The following MACF1 variants were observed in gnomAD, a reference collection of about 807,000 sequenced individuals.
The protein encoded by MACF1 is microtubule actin crosslinking factor 1, also known as microtubule-actin cross-linking factor 1.
MACF1 carries 193 observed loss-of-function variants against 854.8 expected under a neutral mutation model. That is an observed-to-expected ratio of 0.23 (90% CI 0.20 to 0.25). The LOEUF is 0.25. Among genes scored for constraint, MACF1 ranks in the 10% least tolerant of loss-of-function variants. The pLI is 1.00. For synonymous variants in MACF1, 3,185 were observed against 3,226.7 expected (o/e 0.99, Z 0.44); for missense variants, 7,722 against 8,929.1 (o/e 0.86, Z 5.45).
Position 39,324,489 on chromosome 1 carries a change from T to C in MACF1, c.4389+144T>C, listed in dbSNP as rs1003927241. On this transcript the variant is annotated intron_variant, in intron 34 of 100. Coordinates refer to ENST00000564288, the MANE Select transcript of MACF1 (RefSeq NM_001394062.1). ...TAAAGAAACTTAAGAAGCCATCTTG[T>C]TTGTTCTTGTACCTTTTTATCAGCT... 4 of 1,165,818 alleles carry C rather than the reference T, an allele frequency of 3.4e-6. No individual in the cohort carries two copies. In the African/African-American group the frequency reaches 6.3e-5, roughly 18 times the overall value. 72.2% of individuals were successfully genotyped at this position (1,165,818 alleles called of 1,614,324 possible).
chr1:39,214,168 A>G (rs1356799724), intron 1 of MACF1, among the ~76,000 whole-genome samples: 1 of 152,192 alleles, frequency 6.6e-6, no homozygotes, highest in African/African-American at 2.4e-5. Context: ...GAGCTAGAGC[A>G]GAGGGCCAGT....
In MACF1 at chr1:39,283,486, C is replaced by G; in HGVS notation, c.886C>G (p.Pro296Ala). 1 of 1,610,748 alleles carries G rather than the reference C, an allele frequency of 6.2e-7. No individual in the cohort carries two copies. The highest frequency in any genetic ancestry group is 8.5e-7 in the Non-Finnish European group (1 of 1,176,950). ...SSIYDAFPKV[P>A]EGGEGISATE... ...GATTTATGATGCCTTCCCTAAAGTT[C>G]CTGAGGGTGGAGAAGGGATCAGTGC... Residue 296 changes from proline (P) to alanine (A), a missense_variant, in exon 9 of 101, where the codon CCT becomes GCT. Around this residue, in one of 15 missense-constraint regions of MACF1, gnomAD observed 97 missense variants for 130.4 expected, o/e 0.74. Coordinates refer to ENST00000564288, the MANE Select transcript of MACF1 (RefSeq NM_001394062.1). This position sits in a 1 kb window ranked among gnomAD's most constrained non-coding sequence, Gnocchi z 4.5.
At chr1:39,305,430 G>A (rs1326772522) in intron 23 of MACF1, among the ~76,000 whole-genome samples, 1 of 152,044 alleles carries the variant, frequency 6.6e-6, no homozygotes, top group Non-Finnish European at 1.5e-5. Context: ...AGCAGATTTT[G>A]CTGGGTTATA....
intron 2 of MACF1, among the ~76,000 whole-genome samples, chr1:39,179,828 A>G (rs1644081046): frequency 6.6e-6 from 1 of 152,076 alleles, no homozygotes; most frequent in East Asian, 1.9e-4. Flanking sequence ...CAGCCTGGCC[A>G]ACATGGTGAA....
chr1:39,405,675 A>G (rs901843611), intron 58 of MACF1, among the ~76,000 whole-genome samples: 3 of 152,250 alleles, frequency 2.0e-5, no homozygotes, highest in Non-Finnish European at 2.9e-5. Context: ...AGGAAAATCT[A>G]ACACCAAATT....
In MACF1 at chr1:39,484,727, G is replaced by A. The variant is rs1462270176; in HGVS notation, c.22408G>A (p.Ala7470Thr). The change falls in exon 100 of 101, where the codon GCA (alanine) becomes ACA (threonine). Residue 7470 changes from alanine to threonine, a missense_variant. Physicochemically the swap from Ala to Thr is moderately conservative, Grantham distance 58. This residue lies in a region of MACF1 where 185 missense variants were observed against 225.7 expected (regional missense o/e 0.82). Transcript: ENST00000564288. ...PASTGAKTNRADPKKSASRPG... is the reference protein window; with the variant it reads ...PASTGAKTNRTDPKKSASRPG... ...CTCCACAGGTGCCAAAACTAATCGG[G>A]CAGGTAAGTACCTGCCCCGTGACCT... The A allele has an allele frequency of 6.2e-7, 1 of 1,614,136 alleles. No individual in the cohort carries two copies. Among genetic ancestry groups the A allele is most frequent in the Non-Finnish European group, 8.5e-7 (1 of 1,180,022 alleles).
intron 68 of MACF1, among the ~76,000 whole-genome samples, 189 bp from the exon 69 acceptor site, chr1:39,434,225 T>C (rs1643923985): frequency 6.6e-6 from 1 of 152,074 alleles, no homozygotes; most frequent in Admixed American, 6.5e-5. Context: ...ATATGTATGA[T>C]AGGAAAATTA....
Position 39,453,703 on chromosome 1 carries a change from T to G in MACF1, c.20743-4T>G. The G allele has an allele frequency of 1.5e-5, 25 of 1,613,876 alleles. No individual in the cohort carries two copies. The highest frequency in any genetic ancestry group is 2.1e-5 in the Non-Finnish European group (25 of 1,179,744). On this transcript the variant is annotated splice_polypyrimidine_tract_variant and splice_region_variant and intron_variant, in intron 87 of 100. Coordinates refer to ENST00000564288, the MANE Select transcript of MACF1 (RefSeq NM_001394062.1). ...GTTTTTGTTTTCAAATCTTTTTTGTTTAGGAATTCATGAAGAAAGTAGAAG... is the reference window on the plus strand; with the variant it reads ...GTTTTTGTTTTCAAATCTTTTTTGTGTAGGAATTCATGAAGAAAGTAGAAG...
chr1:39,411,579 G>T, intron 58 of MACF1: 3 of 1,613,898 alleles, frequency 1.9e-6, no homozygotes, highest in South Asian at 1.1e-5. Flanking sequence ...CTGCTCAGGG[G>T]TTAGAGGGAC....
At chr1:39,377,400 AT>A (rs1358913276) in intron 52 of MACF1, among the ~76,000 whole-genome samples, 1 of 152,204 alleles carries the variant, frequency 6.6e-6, no homozygotes, top group Admixed American at 6.5e-5. Context: ...AAGTATCATT[AT>A]GAATATTTTT....
Position 39,370,266 on chromosome 1 carries a change from G to GTGT in MACF1, c.13095+80_13095+81insTGT, listed in dbSNP as rs1649110656. ...TATTAACTGGTCTCCAGCTGTGGTG[G>GTGT]GGAAATGTATGAGAAATCCAAGTTG... is the stretch of plus-strand genomic sequence containing the variant. On this transcript the variant is annotated intron_variant, in intron 51 of 100. Transcript: ENST00000564288. 8 of 1,289,720 alleles carry GTGT rather than the reference G, an allele frequency of 6.2e-6. No individual in the cohort carries two copies. In the South Asian group the frequency reaches 1.3e-4, roughly 21 times the overall value. The allele number at this position is 1,289,720 out of a possible 1,614,324, so 79.9% of individuals were successfully genotyped here.
chr1:39,331,471 G>A lies in MACF1; in HGVS notation c.4883G>A (p.Ser1628Asn), dbSNP rs149308731. ...GCCTTAATAAGCAGGCTTACTGAGA[G>A]CAGAGGCCCTCTTTCTGTGGTGGAA... ...ALALISRLTESRGPLSVVEAI... is the reference protein window; with the variant it reads ...ALALISRLTENRGPLSVVEAI... Residue 1628 changes from serine (S) to asparagine (N), a missense_variant, in exon 37 of 101, where the codon AGC becomes AAC. Ser to Asn is a conservative substitution (Grantham distance 46). Transcript: ENST00000564288. The A allele has an allele frequency of 6.2e-7, 1 of 1,614,172 alleles. No homozygotes were observed. Among genetic ancestry groups the A allele is most frequent in the Non-Finnish European group, 8.5e-7 (1 of 1,180,030 alleles).
chr1:39,455,245 A>C, intron 89 of MACF1, 148 bp downstream of exon 89: 10 of 752,320 alleles, frequency 1.3e-5, no homozygotes, highest in Non-Finnish European at 1.9e-5. Context: ...TACTTACCTC[A>C]TAGTTTCTGT....
chr1:39,385,755 G>C lies in MACF1; in HGVS notation c.14170G>C (p.Glu4724Gln). ...ACCAGAGGCTGTAAAGCAGCAATTGGAAGAGACCAGTGAAATTCGATCTGA... is the reference window on the plus strand; with the variant it reads ...ACCAGAGGCTGTAAAGCAGCAATTGCAAGAGACCAGTGAAATTCGATCTGA... Reference protein sequence around the residue: ...TQPEAVKQQLEETSEIRSDLE... With the variant: ...TQPEAVKQQLQETSEIRSDLE... Residue 4724 changes from glutamate to glutamine, a missense_variant, in exon 57 of 101, where the codon GAA becomes CAA. Physicochemically the swap from Glu to Gln is conservative, Grantham distance 29. Coordinates refer to ENST00000564288, the MANE Select transcript of MACF1 (RefSeq NM_001394062.1). The C allele has an allele frequency of 6.2e-7, 1 of 1,614,142 alleles. No individual in the cohort carries two copies. The highest frequency in any genetic ancestry group is 1.1e-5 in the South Asian group (1 of 91,078).
chr1:39,477,090 T>TATATATATATAC (rs1350608847), intron 97 of MACF1, among the ~76,000 whole-genome samples: 3 of 26,292 alleles, frequency 1.1e-4, no homozygotes, highest in East Asian at 1.4e-3. Context: ...TATATATATA[T>TATATATATATAC]ACACACACAC....
At chr1:39,388,729 G>A in intron 58 of MACF1, 71 bp downstream of exon 58, 1 of 1,405,926 alleles carries the variant, frequency 7.1e-7, no homozygotes, top group Non-Finnish European at 9.5e-7. Context: ...AACCAGTCAA[G>A]TATACATTTT....
At chr1:39,203,908 A>G (rs1196617495), upstream of MACF1, among the ~76,000 whole-genome samples, 1 of 152,178 alleles carries the variant, frequency 6.6e-6, no homozygotes, top group Non-Finnish European at 1.5e-5. Flanking sequence ...GCAAACATTC[A>G]TATACAGGTC....
At chr1:39,147,270 CT>C (rs1643488042) in intron 2 of MACF1, among the ~76,000 whole-genome samples, 1 of 149,278 alleles carries the variant, frequency 6.7e-6, no homozygotes, top group African/African-American at 2.5e-5. Flanking sequence ...CCTTCCTTCT[CT>C]TTTCTTTTTC....
chr1:39,393,190 AAAAAAAATATATATAT>A (rs200540529), intron 58 of MACF1, among the ~76,000 whole-genome samples: 6 of 86,662 alleles, frequency 6.9e-5, no homozygotes, highest in African/African-American at 3.7e-4. Flanking sequence ...GTAAAAAAAA[AAAAAAAATATATATAT>A]ATATATATAT....
Sources: allele counts gnomAD v4.1 joint callset (sites outside exome capture counted in the v4.1 genomes callset), GRCh38; gene constraint gnomAD v4.1.1; regional missense constraint gnomAD v4.1.1; non-coding constraint Gnocchi (gnomAD v3.1); transcripts MANE v1.5; gene names NCBI Gene and HGNC (gene_info 2026-07-23, HGNC 2026-07-21).